KCNQ3: variants seen among roughly 807,000 people sequenced by gnomAD.
KCNQ3 encodes the protein potassium voltage-gated channel subfamily KQT member 3.
In KCNQ3, 30 loss-of-function variants were observed where a neutral mutation model predicts 92.5. The observed-to-expected ratio is 0.32, with a 90% CI of 0.24 to 0.44. The LOEUF (loss-of-function observed/expected upper bound fraction) is 0.44, where lower values mean the gene tolerates loss of function less well. Ranked by LOEUF, KCNQ3 falls within the 20% of genes least tolerant of loss-of-function variation. The pLI, the probability that KCNQ3 is intolerant of heterozygous loss-of-function variation, is 1.00. For synonymous variants in KCNQ3, 450 were observed against 468.8 expected (o/e 0.96, Z 0.52); for missense variants, 913 against 1,140.3 (o/e 0.80, Z 2.87).
intron 1 of KCNQ3, among the ~76,000 whole-genome samples, chr8:132,460,504 A>G (rs1051504236): frequency 3.3e-5 from 5 of 152,160 alleles, no homozygotes; most frequent in African/African-American, 1.2e-4. Context: ...ACTCCAGTAC[A>G]CAAGTATAAC....
chr8:132,229,015 G>A (rs1814534778), intron 1 of KCNQ3, among the ~76,000 whole-genome samples: 1 of 152,150 alleles, frequency 6.6e-6, no homozygotes, highest in African/African-American at 2.4e-5. Flanking sequence ...CAGCACTTTG[G>A]GAGGCCAAGG....
intron 4 of KCNQ3, among the ~76,000 whole-genome samples, chr8:132,177,826 G>T (rs947504034): frequency 5.9e-5 from 9 of 152,204 alleles, no homozygotes; most frequent in Non-Finnish European, 8.8e-5. Context: ...AGTACTCTTG[G>T]TGATTTCCTT....
Position 132,129,147 on chromosome 8 carries a change from A to C in KCNQ3, c.*115T>G. On this transcript the variant is annotated 3_prime_UTR_variant, in exon 15 of 15. Transcript: ENST00000388996. This position sits in a 1 kb window ranked among gnomAD's most constrained non-coding sequence, Gnocchi z 5.9. The stretch of plus-strand genomic sequence containing the variant: ...CTGCCTGGGTGGGGCCACCACGCAC[A>C]CGCATGCATTTGATGCAGCCATTGG... 7.8e-7 allele frequency: 1 copy of C among 1,288,436 alleles called. No homozygotes were observed. The highest frequency in any genetic ancestry group is 1.1e-6 in the Non-Finnish European group (1 of 918,668). 79.8% of individuals were successfully genotyped at this position (1,288,436 alleles called of 1,614,324 possible).
At chr8:132,249,398 T>A (rs1370988928) in intron 1 of KCNQ3, among the ~76,000 whole-genome samples, 3 of 152,204 alleles carry the variant, frequency 2.0e-5, no homozygotes, top group East Asian at 3.9e-4. Flanking sequence ...AAAAGTTCTC[T>A]AAGTCCCCAC....
Position 132,225,995 on chromosome 8 carries a change from G to A in KCNQ3, c.387-39814C>T, listed in dbSNP as rs530577419. On this transcript the variant is annotated intron_variant, in intron 1 of 14. Transcript: ENST00000388996. Reference sequence around the variant, plus strand: ...AAATATTTATGGAGGATTTTGGCCAGGCATGGTGGCTCAAGCCTGTAATCC... The same window carrying A: ...AAATATTTATGGAGGATTTTGGCCAAGCATGGTGGCTCAAGCCTGTAATCC... Among the ~76,000 whole-genome samples, 3 of 152,296 alleles carry A rather than the reference G, an allele frequency of 2.0e-5. No homozygotes were observed. The South Asian group carries it at 6.2e-4, about 32-fold the overall frequency.
At position 132,129,176 on chromosome 8, in the gene KCNQ3, C is replaced by G; in HGVS notation, c.*86G>C. On this transcript the variant is annotated 3_prime_UTR_variant, in exon 15 of 15. Coordinates refer to ENST00000388996, the MANE Select transcript of KCNQ3 (RefSeq NM_004519.4). The surrounding 1 kb of genome is among the most constrained non-coding windows in gnomAD (Gnocchi z 5.9). ...ATGCATTTGATGCAGCCATTGGTGT[C>G]CCCGCTGGTAAGCGTCGGGTGTAAG... 6.6e-7 allele frequency: 1 copy of G among 1,516,724 alleles called. No individual in the cohort carries two copies. The highest frequency in any genetic ancestry group is 9.0e-7 in the Non-Finnish European group (1 of 1,115,216). 94.0% of individuals were successfully genotyped at this position (1,516,724 alleles called of 1,614,324 possible).
intron 1 of KCNQ3, among the ~76,000 whole-genome samples, chr8:132,223,920 A>C (rs1437812): frequency 0.36 from 55,235 of 151,444 alleles, 10,602 homozygotes; most frequent in Middle Eastern, 0.47. Flanking sequence ...TCTAACCACC[A>C]GGATCATATT....
intron 1 of KCNQ3, among the ~76,000 whole-genome samples, chr8:132,226,714 T>C (rs971690127): frequency 2.0e-5 from 3 of 152,194 alleles, no homozygotes; most frequent in Non-Finnish European, 4.4e-5. Flanking sequence ...AGTGAGCTCC[T>C]GGAGCTGAAG....
At chr8:132,229,476 G>A (rs1814558523) in intron 1 of KCNQ3, among the ~76,000 whole-genome samples, 1 of 152,052 alleles carries the variant, frequency 6.6e-6, no homozygotes, top group African/African-American at 2.4e-5. Context: ...GGCATGGCTA[G>A]CTGGTGCCCT....
intron 1 of KCNQ3, among the ~76,000 whole-genome samples, chr8:132,294,706 G>C (rs1202955204): frequency 1.3e-5 from 2 of 152,208 alleles, no homozygotes; most frequent in Non-Finnish European, 2.9e-5. Flanking sequence ...CTCACCCAGA[G>C]TGATGCCCAC....
At chr8:132,430,751 G>A (rs1282144184) in intron 1 of KCNQ3, among the ~76,000 whole-genome samples, 1 of 152,160 alleles carries the variant, frequency 6.6e-6, no homozygotes, top group Non-Finnish European at 1.5e-5. Flanking sequence ...CTCCCTACAG[G>A]ACAGAAACGG....
intron 1 of KCNQ3, among the ~76,000 whole-genome samples, chr8:132,355,639 A>G (rs1397294539): frequency 1.3e-5 from 2 of 152,126 alleles, no homozygotes; most frequent in African/African-American, 4.8e-5. Flanking sequence ...AAAGCTGGCA[A>G]GCAAAGAGAA....
chr8:132,154,876 C>G (rs1195503581), intron 9 of KCNQ3, among the ~76,000 whole-genome samples: 1 of 152,146 alleles, frequency 6.6e-6, no homozygotes, highest in Non-Finnish European at 1.5e-5. Flanking sequence ...TTTCCTACAA[C>G]AGAATCAGGT....
At chr8:132,455,680 G>C (rs1227120680) in intron 1 of KCNQ3, among the ~76,000 whole-genome samples, 1 of 152,206 alleles carries the variant, frequency 6.6e-6, no homozygotes, top group Middle Eastern at 3.2e-3. Flanking sequence ...ACTTGTCCAT[G>C]TGTTCCATCT....
At chr8:132,428,274 G>A (rs1446720736) in intron 1 of KCNQ3, among the ~76,000 whole-genome samples, 3 of 152,122 alleles carry the variant, frequency 2.0e-5, no homozygotes, top group Admixed American at 6.5e-5. Flanking sequence ...GAGTCCTGCT[G>A]TCTAGGCATT....
chr8:132,201,515 A>G lies in KCNQ3; in HGVS notation c.387-15334T>C, dbSNP rs138720987. On this transcript the variant is annotated intron_variant, in intron 1 of 14. Transcript: ENST00000388996. ...CAAAATGCAATGGTGGGACAGGCAC[A>G]AGATACGTACTCCCATTCCGAAAAG... is the stretch of plus-strand genomic sequence containing the variant. Among the ~76,000 whole-genome samples, 106 of 152,316 alleles carry G rather than the reference A, an allele frequency of 7.0e-4. 2 individuals carry two copies. In the East Asian group the frequency reaches 0.016, roughly 23 times the overall value.
intron 9 of KCNQ3, among the ~76,000 whole-genome samples, chr8:132,154,208 T>TTTTGTTTTTG (rs1554624535): frequency 2.1e-5 from 3 of 142,242 alleles, no homozygotes; most frequent in African/African-American, 8.0e-5. Flanking sequence ...TTTTTTTTTT[T>TTTTGTTTTTG]TTTTTTTTTT....
At chr8:132,424,078 G>A (rs970825708) in intron 1 of KCNQ3, among the ~76,000 whole-genome samples, 5 of 151,878 alleles carry the variant, frequency 3.3e-5, no homozygotes, top group Admixed American at 2.0e-4. Flanking sequence ...ATGTCACATC[G>A]CTGTGGCTGA....
At chr8:132,381,270 C>T (rs1819744468) in intron 1 of KCNQ3, among the ~76,000 whole-genome samples, 1 of 152,178 alleles carries the variant, frequency 6.6e-6, no homozygotes, top group African/African-American at 2.4e-5. Context: ...AAACTCATTC[C>T]CTGTGTGAGA....
Sources: allele counts gnomAD v4.1 joint callset (sites outside exome capture counted in the v4.1 genomes callset), GRCh38; gene constraint gnomAD v4.1.1; non-coding constraint Gnocchi (gnomAD v3.1); transcripts MANE v1.5; gene names NCBI Gene and HGNC (gene_info 2026-07-23, HGNC 2026-07-21).